The following KRT78 variants were observed in gnomAD, a reference collection of about 807,000 sequenced individuals.
KRT78 encodes the protein keratin, type II cytoskeletal 78.
In KRT78, 55 loss-of-function variants were observed where a neutral mutation model predicts 51.4. The observed-to-expected ratio is 1.07, with a 90% CI of 0.86 to 1.34. The LOEUF is 1.34. Ranked by LOEUF, KRT78 falls within the 40% of genes most tolerant of loss-of-function variation. The pLI is 0.00. For missense variants in KRT78, 652 were observed against 649.4 expected (o/e 1.00, Z -0.04); for synonymous variants, 291 against 264.3 (o/e 1.10, Z -0.98).
Position 52,848,607 on chromosome 12 carries a change from C to T in KRT78, c.324G>A (p.Arg108=). Residue 108 remains arginine, a synonymous_variant, in exon 1 of 9, where the codon CGG becomes CGA. Transcript: ENST00000304620. ...IEIDPQFQVV[R]TQETQEIRTL... ...TTCTGATCTCCTGGGTCTCCTGCGT[C>T]CGCACCACCTGGAACTGGGGATCGA... The T allele has an allele frequency of 6.2e-7, 1 of 1,614,090 alleles. No individual in the cohort carries two copies. Among genetic ancestry groups the T allele is most frequent in the South Asian group, 1.1e-5 (1 of 91,074 alleles).
intron 8 of KRT78, 23 bp downstream of exon 8, chr12:52,839,430 C>T: frequency 6.2e-7 from 1 of 1,609,702 alleles, no homozygotes; most frequent in Non-Finnish European, 8.5e-7. Context: ...GGGATCCCAT[C>T]CCTAAAGTCC....
chr12:52,842,770 T>C (rs190194765), intron 6 of KRT78, among the ~76,000 whole-genome samples: 51 of 150,460 alleles, frequency 3.4e-4, no homozygotes, highest in African/African-American at 1.2e-3. Context: ...ATACAAAAAT[T>C]AGCCGGGTGT....
At chr12:52,848,299 G>T in intron 1 of KRT78, 178 bp from the exon 2 acceptor site, 1 of 1,535,072 alleles carries the variant, frequency 6.5e-7, no homozygotes, top group Non-Finnish European at 8.7e-7. Context: ...AAAATGACTG[G>T]ACTGACTAAT....
intron 5 of KRT78, 100 bp from the exon 6 acceptor site, chr12:52,844,318 G>T: frequency 1.4e-6 from 2 of 1,415,340 alleles, no homozygotes; most frequent in Admixed American, 2.3e-5. Flanking sequence ...TATTTGGAGT[G>T]TGGGTTAAAC....
In KRT78 at chr12:52,847,940, G is replaced by A. The variant is rs1324801223; in HGVS notation, c.566C>T (p.Ala189Val). 6.2e-7 allele frequency: 1 copy of A among 1,614,144 alleles called. No homozygotes were observed. The highest frequency in any genetic ancestry group is 8.5e-7 in the Non-Finnish European group (1 of 1,180,012). ...ERGALDAELKACRDQEEEYKS... is the reference protein window; with the variant it reads ...ERGALDAELKVCRDQEEEYKS... ...ATACTCCTCCTCCTGGTCCCGGCAG[G>A]CCTTCAACTCAGCATCCAGAGCCCC... Residue 189 changes from alanine (A) to valine (V), a missense_variant, in exon 2 of 9, where the codon GCC (alanine) becomes GTC (valine). Ala to Val is a moderately conservative substitution (Grantham distance 64). Transcript: ENST00000304620.
Position 52,848,118 on chromosome 12 carries a change from G to T in KRT78, c.388C>A (p.Arg130=), listed in dbSNP as rs138275245. ...NQFASFIDKV[R]FLEQQNKVLE... ...ACCTTGTTCTGCTGCTCCAGGAACC[G>T]CACCTGCAGCAAAAGCAGAGGATCC... Residue 130 remains arginine, a synonymous_variant, in exon 2 of 9, where the codon CGG becomes AGG. Transcript: ENST00000304620. 6.8e-6 allele frequency: 11 copies of T among 1,613,674 alleles called. No homozygotes were observed. The East Asian group carries it at 2.0e-4, about 29-fold the overall frequency.
chr12:52,846,663 C>T lies in KRT78; in HGVS notation c.660+101G>A, dbSNP rs554998804. 39 of 1,063,952 alleles carry T rather than the reference C, an allele frequency of 3.7e-5. No individual in the cohort carries two copies. The East Asian group carries it at 9.6e-4, about 26-fold the overall frequency. The allele number at this position is 1,063,952 out of a possible 1,614,324, so 65.9% of individuals were successfully genotyped here. The stretch of plus-strand genomic sequence containing the variant: ...CCCTGCAGGTAGAGTGATAGCCTGT[C>T]CTAAATCAGGACCTCCCACCTTTTC... On this transcript the variant is annotated intron_variant, in intron 3 of 8. Transcript: ENST00000304620.
Position 52,838,065 on chromosome 12 carries a change from A to T in KRT78, c.*1048T>A, listed in dbSNP as rs1940387026. On this transcript the variant is annotated 3_prime_UTR_variant, in exon 9 of 9. Coordinates refer to ENST00000304620, the MANE Select transcript of KRT78 (RefSeq NM_173352.4). ...TGAAAAGCCTTCTTGCATAATTTGGATGGAGCGATTCATGAATCTGAGGAA... is the reference window on the plus strand; with the variant it reads ...TGAAAAGCCTTCTTGCATAATTTGGTTGGAGCGATTCATGAATCTGAGGAA... 6.6e-6 allele frequency: 1 copy of T among 152,148 alleles called. No homozygotes were observed. The allele number at this position is 152,148 out of a possible 1,614,324, so 9.4% of individuals were successfully genotyped here. A position where few individuals can be genotyped will look rare whatever the true frequency, so the allele number is the denominator to read the frequency against.
chr12:52,847,875 C>G (rs1940678670), intron 2 of KRT78, 32 bp downstream of exon 2: 1 of 1,599,710 alleles, frequency 6.3e-7, no homozygotes, highest in Admixed American at 1.7e-5. Context: ...AGACCCCGCC[C>G]ACATGGCATG....
intron 2 of KRT78, 41 bp downstream of exon 2, chr12:52,847,866 G>T: frequency 6.3e-7 from 1 of 1,580,970 alleles, no homozygotes; most frequent in South Asian, 1.1e-5. Flanking sequence ...AGTCATCCCA[G>T]ACCCCGCCCA....
intron 3 of KRT78, 82 bp downstream of exon 3, chr12:52,846,682 C>A: frequency 7.8e-7 from 1 of 1,276,384 alleles, no homozygotes. Context: ...GGACCTCCCA[C>A]CTTTTCCCTC....
chr12:52,844,433 C>G, intron 5 of KRT78, 126 bp downstream of exon 5: 1 of 1,275,774 alleles, frequency 7.8e-7, no homozygotes, highest in Non-Finnish European at 1.1e-6. Context: ...CCTGCCCACC[C>G]AGCCCCAGAC....
chr12:52,844,795 C>G (rs1940602917), intron 4 of KRT78, 72 bp from the exon 5 acceptor site: 1 of 1,439,658 alleles, frequency 6.9e-7, no homozygotes, highest in African/African-American at 1.4e-5. Flanking sequence ...GATGGTTGAG[C>G]AGGATGATGA....
intron 5 of KRT78, 33 bp from the exon 6 acceptor site, chr12:52,844,251 G>A (rs1940587623): frequency 3.2e-6 from 5 of 1,559,942 alleles, no homozygotes; most frequent in South Asian, 2.4e-5. Context: ...ACCATTAGTT[G>A]AGAGGACTGC....
Position 52,838,712 on chromosome 12 carries a change from A to C in KRT78, c.*401T>G. On this transcript the variant is annotated 3_prime_UTR_variant, in exon 9 of 9. Transcript: ENST00000304620. Reference sequence around the variant, plus strand: ...AGGACTAGAACCTCTTAAAACAGGCAGTTGATGAGGAAGTGAGCTACAAGC... The same window carrying C: ...AGGACTAGAACCTCTTAAAACAGGCCGTTGATGAGGAAGTGAGCTACAAGC... 4.6e-6 allele frequency: 1 copy of C among 219,422 alleles called. No individual in the cohort carries two copies. The highest frequency in any genetic ancestry group is 9.1e-6 in the Non-Finnish European group (1 of 109,966). The allele number at this position is 219,422 out of a possible 1,614,324, so 13.6% of individuals were successfully genotyped here.
chr12:52,844,238 G>A lies in KRT78; in HGVS notation c.922-20C>T. The stretch of plus-strand genomic sequence containing the variant: ...CTGGTACTGAGAGGGGAACAGAGGG[G>A]ACACCATTAGTTGAGAGGACTGCCA... On this transcript the variant is annotated intron_variant, in intron 5 of 8. Transcript: ENST00000304620. The A allele has an allele frequency of 6.3e-7, 1 of 1,576,732 alleles. No individual in the cohort carries two copies. Among genetic ancestry groups the A allele is most frequent in the East Asian group, 2.3e-5 (1 of 44,370 alleles).
rs184502828 is a variant in KRT78, at chr12:52,844,828, C to A, written c.757-105G>T. 4.0e-5 allele frequency: 44 copies of A among 1,087,704 alleles called. No homozygotes were observed. In the East Asian group the frequency reaches 1.0e-3, roughly 25 times the overall value. The allele number at this position is 1,087,704 out of a possible 1,614,324, so 67.4% of individuals were successfully genotyped here. Reference sequence around the variant, plus strand: ...TGAATTTCTGCTTACATGCCATGACCCCCATTCATCCCAGGTGGCTTTGAG... The same window carrying A: ...TGAATTTCTGCTTACATGCCATGACACCCATTCATCCCAGGTGGCTTTGAG... On this transcript the variant is annotated intron_variant, in intron 4 of 8. Coordinates refer to ENST00000304620, the MANE Select transcript of KRT78 (RefSeq NM_173352.4).
Position 52,844,715 on chromosome 12 carries a change from G to A in KRT78, c.765C>T (p.Gly255=), listed in dbSNP as rs757401537. 17 of 1,609,646 alleles carry A rather than the reference G, an allele frequency of 1.1e-5. No individual in the cohort carries two copies. In the African/African-American group the frequency reaches 1.6e-4, roughly 15 times the overall value. The change falls in exon 5 of 9, where the codon GGC becomes GGT. Residue 255 remains glycine (G), a synonymous_variant. Coordinates refer to ENST00000304620, the MANE Select transcript of KRT78 (RefSeq NM_173352.4). The part of the protein sequence containing the change: ...FLKHLNEEEL[G]QLQTQASDTS... The stretch of plus-strand genomic sequence containing the variant: ...TGTCGCTGGCCTGGGTCTGGAGCTG[G>A]CCCAGCTCCTGCAGGGAAGACAGAC...
intron 6 of KRT78, among the ~76,000 whole-genome samples, chr12:52,842,961 G>GAGAGAGAGAGAGAGAGA (rs1217222099): frequency 3.5e-5 from 1 of 28,864 alleles, no homozygotes; most frequent in African/African-American, 1.7e-4. Flanking sequence ...GAGAGAGAGA[G>GAGAGAGAGAGAGAGAGA]GAAGGAAGGA....
Sources: allele counts gnomAD v4.1 joint callset (sites outside exome capture counted in the v4.1 genomes callset), GRCh38; gene constraint gnomAD v4.1.1; transcripts MANE v1.5; gene names NCBI Gene and HGNC (gene_info 2026-07-23, HGNC 2026-07-21).